The following PLAC1 variants were observed in gnomAD, a reference collection of about 807,000 sequenced individuals.
The protein encoded by PLAC1 is placenta-specific protein 1.
For missense variants in PLAC1, 136 were observed against 163.2 expected, an observed-to-expected ratio of 0.83 and a Z score of 0.91; for synonymous variants, 68 against 62.1, an observed-to-expected ratio of 1.09 and a Z score of -0.44.
chrX:134,695,414 C>A (rs1025594444), intron 2 of PLAC1, among the ~76,000 whole-genome samples: 9 of 112,214 alleles, frequency 8.0e-5, no homozygotes, highest in African/African-American at 2.9e-4. Context: ...TTGAGACCCT[C>A]CAGATACAAG....
chrX:134,703,825 TTAAGA>T (rs1308962959), intron 2 of PLAC1, among the ~76,000 whole-genome samples: 22 of 109,357 alleles, frequency 2.0e-4, no homozygotes, highest in African/African-American at 7.0e-4. Flanking sequence ...ACAGTCCCAC[TTAAGA>T]TAGAGAGTAG....
intron 2 of PLAC1, among the ~76,000 whole-genome samples, chrX:134,708,354 A>T (rs1367142216): frequency 9.0e-6 from 1 of 111,341 alleles, no homozygotes; most frequent in Non-Finnish European, 1.9e-5. Flanking sequence ...GGGAATGAAG[A>T]AAGGTAATCT....
intron 1 of PLAC1, among the ~76,000 whole-genome samples, chrX:134,657,104 C>G (rs2078395457): frequency 8.9e-6 from 1 of 111,801 alleles, no homozygotes; most frequent in Non-Finnish European, 1.9e-5. Flanking sequence ...CTCTGATTGT[C>G]TCTAACTCCA....
intron 2 of PLAC1, among the ~76,000 whole-genome samples, chrX:134,673,542 A>G (rs2078463485): frequency 1.8e-5 from 2 of 108,791 alleles, no homozygotes; most frequent in Admixed American, 9.8e-5. Context: ...ATAAATGGAG[A>G]GGTTTAGTAG....
chrX:134,719,981 T>C (rs1199228667), intron 2 of PLAC1, among the ~76,000 whole-genome samples: 1 of 111,577 alleles, frequency 9.0e-6, no homozygotes, highest in Non-Finnish European at 1.9e-5. Context: ...TTCAATATTA[T>C]ACTGGAAGTT....
At chrX:134,590,014 TG>T (rs1379548481) in intron 2 of PLAC1, among the ~76,000 whole-genome samples, 18 of 86,434 alleles carry the variant, frequency 2.1e-4, no homozygotes, top group African/African-American at 7.0e-4. Context: ...GCTAACATGG[TG>T]AAAACCCATC....
intron 2 of PLAC1, among the ~76,000 whole-genome samples, chrX:134,598,220 T>C (rs2078071048): frequency 8.9e-6 from 1 of 112,133 alleles, no homozygotes; most frequent in African/African-American, 3.2e-5. Flanking sequence ...TTGTCTTTGT[T>C]GAATGAGTGG....
chrX:134,631,677 A>G (rs747919960), intron 1 of PLAC1, among the ~76,000 whole-genome samples: 2 of 111,595 alleles, frequency 1.8e-5, no homozygotes, highest in African/African-American at 3.3e-5. Flanking sequence ...TTGTTACCCA[A>G]TAAAAATCTC....
upstream of PLAC1, among the ~76,000 whole-genome samples, chrX:134,659,716 T>C (rs2078408542): frequency 8.9e-6 from 1 of 112,499 alleles, no homozygotes; most frequent in African/African-American, 3.2e-5. Context: ...TTATATTATT[T>C]AGGTTGATGC....
At chrX:134,598,149 G>A (rs1477951247) in intron 2 of PLAC1, among the ~76,000 whole-genome samples, 1 of 112,447 alleles carries the variant, frequency 8.9e-6, no homozygotes. Context: ...TCTCTGATTA[G>A]TTATTAGATC....
At position 134,601,409 on chromosome X, in the gene PLAC1, C is replaced by T. The variant is rs1336566863; in HGVS notation, c.-59+642G>A. ...TGAAAGGATAAGAACATTGTTAAGGCTTTCGAGCATTTTGCCAAGTTGCCC... is the reference window on the plus strand; with the variant it reads ...TGAAAGGATAAGAACATTGTTAAGGTTTTCGAGCATTTTGCCAAGTTGCCC... On this transcript the variant is annotated intron_variant, in intron 2 of 2. Transcript: ENST00000359237. 4 of 112,078 alleles carry T rather than the reference C, an allele frequency of 3.6e-5. No homozygotes were observed. In the East Asian group the frequency reaches 1.1e-3, roughly 31 times the overall value. 9.2% of individuals were successfully genotyped at this position (112,078 alleles called of 1,213,427 possible).
At chrX:134,665,574 T>G (rs2078433836) in intron 2 of PLAC1, among the ~76,000 whole-genome samples, 1 of 111,546 alleles carries the variant, frequency 9.0e-6, no homozygotes, top group Admixed American at 9.5e-5. Flanking sequence ...GAATGCCTCC[T>G]TTGTGGCAGG....
chrX:134,591,860 A>G (rs1214761067), intron 2 of PLAC1, among the ~76,000 whole-genome samples: 3 of 112,291 alleles, frequency 2.7e-5, no homozygotes, highest in Non-Finnish European at 5.6e-5. Context: ...ATGTAGTGAC[A>G]TCTCATTGAA....
intron 2 of PLAC1, among the ~76,000 whole-genome samples, chrX:134,706,164 A>G (rs2078603975): frequency 8.9e-6 from 1 of 112,601 alleles, no homozygotes; most frequent in South Asian, 3.6e-4. Flanking sequence ...ACCTTTAACA[A>G]TAACTGCTCT....
At chrX:134,603,821 G>A (rs1049820026) in intron 1 of PLAC1, among the ~76,000 whole-genome samples, 5 of 111,214 alleles carry the variant, frequency 4.5e-5, no homozygotes, top group East Asian at 5.6e-4. Flanking sequence ...TGGACTATAC[G>A]ATGTTTAAGG....
chrX:134,597,275 C>G (rs1447905790), intron 2 of PLAC1, among the ~76,000 whole-genome samples: 1 of 111,787 alleles, frequency 8.9e-6, no homozygotes, highest in Non-Finnish European at 1.9e-5. Flanking sequence ...GTTGTTCACC[C>G]TATTCACTGA....
chrX:134,682,397 C>T (rs2147816750), intron 2 of PLAC1, among the ~76,000 whole-genome samples: 1 of 111,836 alleles, frequency 8.9e-6, no homozygotes, highest in East Asian at 2.8e-4. Context: ...GGAGCCCTGG[C>T]TTCTGCTCCA....
chrX:134,672,725 C>G (rs927357045), intron 2 of PLAC1, among the ~76,000 whole-genome samples: 3 of 112,802 alleles, frequency 2.7e-5, no homozygotes, highest in African/African-American at 9.7e-5. Context: ...CCACAATATA[C>G]TATTGAACAA....
chrX:134,582,762 A>G (rs770779409), intron 2 of PLAC1, among the ~76,000 whole-genome samples: 1 of 111,689 alleles, frequency 9.0e-6, no homozygotes, highest in South Asian at 3.8e-4. Flanking sequence ...GCTCACTCAT[A>G]GGACAGAAAT....
Sources: gnomAD v4.1 joint callset for allele counts (sites outside exome capture counted in the v4.1 genomes callset) on GRCh38, gnomAD v4.1.1 for gene constraint, MANE v1.5 for transcripts, NCBI Gene and HGNC (gene_info 2026-07-23, HGNC 2026-07-21) for gene names.